The following ABCG8 variants were observed in gnomAD, a reference collection of about 807,000 sequenced individuals.
ABCG8 encodes ATP binding cassette subfamily G member 8.
Under a neutral mutation model 71.3 loss-of-function variants are expected in ABCG8, and 81 were observed. That is an observed-to-expected ratio of 1.14 (90% CI 0.95 to 1.37). The LOEUF (loss-of-function observed/expected upper bound fraction) is 1.37. ABCG8 is among the 40% of genes most tolerant of loss of function. The pLI, the probability that ABCG8 is intolerant of heterozygous loss-of-function variation, is 0.00. For synonymous variants in ABCG8, 451 were observed against 354.7 expected (o/e 1.27, Z -3.05); for missense variants, 1,119 against 866.2 (o/e 1.29, Z -3.66).
At chr2:43,874,513 C>CCCT (rs1553383816) in intron 10 of ABCG8, 30 bp downstream of exon 10, 1 of 1,564,014 alleles carries the variant, frequency 6.4e-7, no homozygotes, top group Non-Finnish European at 8.8e-7. Flanking sequence ...AGCAAGTGCC[C>CCCT]CCCACCCACC....
intron 1 of ABCG8, among the ~76,000 whole-genome samples, chr2:43,841,239 T>C (rs535011769): frequency 4.6e-5 from 7 of 152,224 alleles, no homozygotes; most frequent in Non-Finnish European, 5.9e-5. Context: ...GTGAGTTTCC[T>C]TCTTGCCTAG....
chr2:43,845,096 G>A lies in ABCG8; in HGVS notation c.165+488G>A, dbSNP rs1033591470. Among the ~76,000 whole-genome samples, 1,312 of 134,690 alleles carry A rather than the reference G, an allele frequency of 9.7e-3. 18 individuals are homozygous for A. The highest frequency in any genetic ancestry group is 0.036 in the African/African-American group (1,232 of 34,388). The allele number at this position is 134,690 out of a possible 152,430, so 88.4% of individuals were successfully genotyped here. A position where few individuals can be genotyped will look rare whatever the true frequency, so the allele number is the denominator to read the frequency against. On this transcript the variant is annotated intron_variant, in intron 2 of 12. Transcript: ENST00000272286. ...TATATATATATGTGTGTGTGTGTGT[G>A]TGTATATATATATATATATATATAA...
chr2:43,863,941 G>T (rs185150606), intron 6 of ABCG8, among the ~76,000 whole-genome samples: 5 of 150,924 alleles, frequency 3.3e-5, no homozygotes, highest in Admixed American at 6.6e-5. Flanking sequence ...TCACAATCTG[G>T]ATAGGATTCT....
intron 1 of ABCG8, among the ~76,000 whole-genome samples, chr2:43,840,420 G>T (rs1016320849): frequency 6.6e-6 from 1 of 152,194 alleles, no homozygotes; most frequent in Non-Finnish European, 1.5e-5. Flanking sequence ...ACCACAGCTT[G>T]AGAGGCAAAG....
Position 43,846,204 on chromosome 2 carries a change from A to T in ABCG8, c.215A>T (p.Lys72Met), listed in dbSNP as rs766529813. The T allele has an allele frequency of 3.7e-6, 6 of 1,613,972 alleles. No individual in the cohort carries two copies. The African/African-American group carries it at 8.0e-5, about 22-fold the overall frequency. The change falls in exon 3 of 13, where the codon AAG (lysine) becomes ATG (methionine). Residue 72 changes from lysine (K) to methionine (M), a missense_variant. Lys to Met is a moderately conservative substitution (Grantham distance 95). Coordinates refer to ENST00000272286, the MANE Select transcript of ABCG8 (RefSeq NM_022437.3). ...VPWFEQLAQF[K>M]MPWTSPSCQN... ...TGGTTTGAGCAGCTGGCTCAGTTCAAGATGCCCTGGACATCTCCCAGCTGC... is the reference window on the plus strand; with the variant it reads ...TGGTTTGAGCAGCTGGCTCAGTTCATGATGCCCTGGACATCTCCCAGCTGC...
Position 43,851,748 on chromosome 2 carries a change from G to T in ABCG8, c.487G>T (p.Val163Leu). 6.2e-7 allele frequency: 1 copy of T among 1,614,254 alleles called. No homozygotes were observed. ...CAACCAGCTGCTCCCCAACTTGACT[G>T]TGCGAGAGACCTTGGCCTTCATTGC... ...QHNQLLPNLT[V>L]RETLAFIAQM... The change falls in exon 4 of 13, where the codon GTG becomes TTG. Residue 163 changes from valine (V) to leucine (L), a missense_variant. By Grantham distance (32) the Val-to-Leu change is conservative (BLOSUM62 1). Transcript: ENST00000272286.
chr2:43,848,372 T>A (rs1467773913), intron 3 of ABCG8: 1 of 152,162 alleles, frequency 6.6e-6, no homozygotes, highest in Non-Finnish European at 1.5e-5. Context: ...AGGTGTTGGG[T>A]ATGGACAGGA....
Position 43,877,507 on chromosome 2 carries a change from G to A in ABCG8, c.1757-54G>A, listed in dbSNP as rs1360798730. ...ATGGGGGAGACCATGCGAATATGGG[G>A]AAACCATGAGAATATGAGGGACACC... On this transcript the variant is annotated intron_variant, in intron 11 of 12. Transcript: ENST00000272286. 17 of 1,611,526 alleles carry A rather than the reference G, an allele frequency of 1.1e-5. No individual in the cohort carries two copies. In the Admixed American group the frequency reaches 2.7e-4, roughly 25 times the overall value.
At chr2:43,842,872 G>A (rs1668623900) in intron 1 of ABCG8, among the ~76,000 whole-genome samples, 1 of 152,038 alleles carries the variant, frequency 6.6e-6, no homozygotes, top group Non-Finnish European at 1.5e-5. Context: ...TACTCTCCCA[G>A]AACTCTAAGG....
At chr2:43,845,121 A>AT (rs58336297) in intron 2 of ABCG8, among the ~76,000 whole-genome samples, 25,086 of 131,684 alleles carry the variant, frequency 0.19, 2,594 homozygotes, top group Non-Finnish European at 0.25. Flanking sequence ...TATATATATA[A>AT]TTTTTTTTTT....
intron 2 of ABCG8, 25 bp from the exon 3 acceptor site, chr2:43,846,130 G>T (rs1296993210): frequency 1.2e-6 from 2 of 1,612,168 alleles, no homozygotes; most frequent in Non-Finnish European, 1.7e-6. Flanking sequence ...AGCTCTCTAA[G>T]GAACCTTCTG....
intron 1 of ABCG8, among the ~76,000 whole-genome samples, chr2:43,844,118 G>C (rs1016800284): frequency 9.2e-5 from 14 of 152,204 alleles, no homozygotes; most frequent in Non-Finnish European, 1.3e-4. Flanking sequence ...GGAAGAGAAA[G>C]TTAAAGGCAA....
chr2:43,869,190 A>G (rs562410449), intron 6 of ABCG8, among the ~76,000 whole-genome samples: 9 of 147,500 alleles, frequency 6.1e-5, no homozygotes, highest in Admixed American at 2.0e-4. Context: ...TAGAATTCTC[A>G]CTATCATTCT....
chr2:43,848,244 G>A (rs1471727004), intron 3 of ABCG8: 3 of 152,192 alleles, frequency 2.0e-5, no homozygotes, highest in African/African-American at 7.2e-5. Flanking sequence ...CAGTTCAGAG[G>A]CTCCCCCAAG....
At position 43,872,018 on chromosome 2, in the gene ABCG8, T is replaced by C. The variant is rs1256049950; in HGVS notation, c.1007T>C (p.Leu336Ser). Residue 336 changes from leucine to serine, a missense_variant, in exon 7 of 13, where the codon TTG becomes TCG. Leu to Ser is a moderately radical substitution (Grantham distance 145). Coordinates refer to ENST00000272286, the MANE Select transcript of ABCG8 (RefSeq NM_022437.3). ...SIDRRSREQE[L>S]ATREKAQSLA... is the part of the protein sequence containing the mutation. ...GACAGGCGCAGCAGAGAGCAGGAAT[T>C]GGCCACCAGGGAGAAGGCTCAGTCA... 5.0e-6 allele frequency: 8 copies of C among 1,613,978 alleles called. No individual in the cohort carries two copies. In the Admixed American group the frequency reaches 1.3e-4, roughly 27 times the overall value.
chr2:43,877,192 A>G (rs1329211480), intron 11 of ABCG8, among the ~76,000 whole-genome samples: 1 of 147,190 alleles, frequency 6.8e-6, no homozygotes, highest in African/African-American at 2.5e-5. Context: ...AAAGAAGACC[A>G]TGGGAATATG....
chr2:43,878,015 C>A lies in ABCG8; in HGVS notation c.*102C>A. On this transcript the variant is annotated 3_prime_UTR_variant, in exon 13 of 13. Transcript: ENST00000272286. ...CCTGGGGACAGTGAGGACAATGACC[C>A]TACAGATGCTCAGCTACATCCGGCC... 1 of 1,547,850 alleles carries A rather than the reference C, an allele frequency of 6.5e-7. No individual in the cohort carries two copies. Among genetic ancestry groups the A allele is most frequent in the Non-Finnish European group, 8.8e-7 (1 of 1,132,128 alleles).
chr2:43,851,539 C>T (rs1407769018), intron 3 of ABCG8, 45 bp from the exon 4 acceptor site: 3 of 1,607,384 alleles, frequency 1.9e-6, no homozygotes, highest in African/African-American at 2.7e-5. Context: ...CAGCCTGGCC[C>T]CCACAGAAGC....
chr2:43,874,816 G>A (rs943208760), intron 10 of ABCG8, among the ~76,000 whole-genome samples: 2 of 152,176 alleles, frequency 1.3e-5, no homozygotes, highest in African/African-American at 4.8e-5. Flanking sequence ...GGAAGCAGAG[G>A]TTCAGAGAGG....
Sources: gnomAD v4.1 joint callset for allele counts (sites outside exome capture counted in the v4.1 genomes callset) on GRCh38, gnomAD v4.1.1 for gene constraint, MANE v1.5 for transcripts, NCBI Gene and HGNC (gene_info 2026-07-23, HGNC 2026-07-21) for gene names.